The following CAMKMT variants were observed in gnomAD, a reference collection of about 807,000 sequenced individuals.
CAMKMT encodes the protein calmodulin-lysine N-methyltransferase, also known as CaM KMT.
In CAMKMT, 53 loss-of-function variants were observed where a neutral mutation model predicts 48.0. The observed-to-expected ratio is 1.10, with a 90% CI of 0.89 to 1.39. The LOEUF (loss-of-function observed/expected upper bound fraction) is 1.39, where lower values mean the gene tolerates loss of function less well. CAMKMT is among the 40% of genes most tolerant of loss of function. The probability of loss-of-function intolerance (pLI) is 0.00; values close to 1 mark genes in which losing one functional copy is unlikely to be tolerated. For missense variants in CAMKMT, 428 were observed against 402.7 expected, an observed-to-expected ratio of 1.06 and a Z score of -0.54; for synonymous variants, 165 against 152.3, an observed-to-expected ratio of 1.08 and a Z score of -0.61.
intron 3 of CAMKMT, among the ~76,000 whole-genome samples, chr2:44,572,709 T>C (rs1057202122): frequency 5.3e-5 from 8 of 152,138 alleles, no homozygotes; most frequent in African/African-American, 1.9e-4. Context: ...GTAATGCTGC[T>C]GTGTTGGCTG....
chr2:44,425,218 GT>G (rs1249462333), intron 3 of CAMKMT, among the ~76,000 whole-genome samples: 1 of 152,090 alleles, frequency 6.6e-6, no homozygotes, highest in Non-Finnish European at 1.5e-5. Context: ...TAATGGCTGG[GT>G]TTTTAAATGA....
At chr2:44,537,448 C>A (rs1023542639) in intron 3 of CAMKMT, among the ~76,000 whole-genome samples, 3 of 152,072 alleles carry the variant, frequency 2.0e-5, no homozygotes, top group Non-Finnish European at 4.4e-5. Flanking sequence ...CAGGGAAATG[C>A]AAATGAAAAC....
At chr2:44,417,992 G>T (rs897942545) in intron 3 of CAMKMT, among the ~76,000 whole-genome samples, 9 of 152,066 alleles carry the variant, frequency 5.9e-5, no homozygotes, top group African/African-American at 2.2e-4. Flanking sequence ...AGGAATTTGA[G>T]ACCAGCCTGA....
At chr2:44,364,011 C>CTTT (rs10710503) in intron 1 of CAMKMT, among the ~76,000 whole-genome samples, 61 of 85,672 alleles carry the variant, frequency 7.1e-4, no homozygotes, top group South Asian at 4.1e-3. Flanking sequence ...CCCACCCTTC[C>CTTT]TTTTTTTTTT....
intron 7 of CAMKMT, among the ~76,000 whole-genome samples, chr2:44,740,330 A>G (rs747375158): frequency 6.6e-6 from 1 of 151,928 alleles, no homozygotes; most frequent in Admixed American, 6.6e-5. Context: ...GGGTATCGCC[A>G]TGTTGCCCAG....
intron 3 of CAMKMT, among the ~76,000 whole-genome samples, chr2:44,643,214 A>G (rs1233207178): frequency 1.3e-5 from 2 of 152,256 alleles, no homozygotes; most frequent in Admixed American, 6.5e-5. Context: ...CTTCAGAAAC[A>G]TTAATGAAAA....
intron 4 of CAMKMT, 113 bp downstream of exon 4, chr2:44,704,456 A>C (rs1270298545): frequency 2.1e-5 from 15 of 702,080 alleles, no homozygotes; most frequent in Non-Finnish European, 3.3e-5. Flanking sequence ...AAATATAAGA[A>C]AAGAAAAACA....
At chr2:44,683,822 C>CAAAAAAAAAAAAAAAAA (rs10644183) in intron 3 of CAMKMT, among the ~76,000 whole-genome samples, 7 of 70,924 alleles carry the variant, frequency 9.9e-5, no homozygotes, top group Admixed American at 2.1e-4. Context: ...GACTCTGTCT[C>CAAAAAAAAAAAAAAAAA]AAAAAAAAAA....
chr2:44,686,931 T>C (rs1676370076), intron 3 of CAMKMT, among the ~76,000 whole-genome samples: 1 of 152,252 alleles, frequency 6.6e-6, no homozygotes. Flanking sequence ...CTGTATCACA[T>C]TGTAAGTTGC....
chr2:44,370,166 C>T (rs981565007), intron 1 of CAMKMT, among the ~76,000 whole-genome samples: 6 of 152,080 alleles, frequency 3.9e-5, no homozygotes, highest in African/African-American at 1.5e-4. Context: ...CTTAACTGCC[C>T]TGTGTTCTAG....
intron 3 of CAMKMT, among the ~76,000 whole-genome samples, chr2:44,516,030 A>G (rs778617872): frequency 2.6e-5 from 4 of 152,152 alleles, no homozygotes; most frequent in African/African-American, 7.2e-5. Flanking sequence ...ATTATTACCA[A>G]GCTTCTGTCA....
intron 3 of CAMKMT, among the ~76,000 whole-genome samples, chr2:44,483,173 G>T (rs1669058238): frequency 6.6e-6 from 1 of 152,148 alleles, no homozygotes; most frequent in South Asian, 2.1e-4. Flanking sequence ...TACCTGAATA[G>T]ATATGTCACC....
chr2:44,568,147 GAGTAGGGCAA>G (rs991422547), intron 3 of CAMKMT, among the ~76,000 whole-genome samples: 2 of 152,106 alleles, frequency 1.3e-5, no homozygotes, highest in African/African-American at 4.8e-5. Flanking sequence ...CGAGATGAAG[GAGTAGGGCAA>G]AGTGTTCTAA....
At chr2:44,607,954 A>G (rs1236909469) in intron 3 of CAMKMT, among the ~76,000 whole-genome samples, 1 of 151,706 alleles carries the variant, frequency 6.6e-6, no homozygotes, top group Non-Finnish European at 1.5e-5. Flanking sequence ...TTATATCTCC[A>G]TTCACCACCC....
chr2:44,375,620 T>C (rs1679609761), intron 2 of CAMKMT, among the ~76,000 whole-genome samples: 1 of 152,146 alleles, frequency 6.6e-6, no homozygotes, highest in Non-Finnish European at 1.5e-5. Context: ...TTGAAAGTTC[T>C]GGGAGAAGGG....
intron 3 of CAMKMT, among the ~76,000 whole-genome samples, chr2:44,613,142 G>A (rs1671687099): frequency 6.6e-6 from 1 of 152,172 alleles, no homozygotes; most frequent in Non-Finnish European, 1.5e-5. Context: ...TGGTAACATG[G>A]AAATGTCACT....
intron 3 of CAMKMT, among the ~76,000 whole-genome samples, chr2:44,596,638 C>T (rs1484532356): frequency 1.3e-5 from 2 of 152,060 alleles, no homozygotes; most frequent in Non-Finnish European, 2.9e-5. Context: ...CAGTCCAATT[C>T]ATCAAGCAGC....
chr2:44,397,220 G>A (rs1067340), intron 3 of CAMKMT, among the ~76,000 whole-genome samples: 1,587 of 152,264 alleles, frequency 0.01, 9 homozygotes, highest in Non-Finnish European at 0.016. Flanking sequence ...CTTAGGTTGG[G>A]AAAGTACAAA....
rs540885591 is a variant in CAMKMT, at chr2:44,632,856, C to T, written c.377-71427C>T. Among the ~76,000 whole-genome samples the T allele has an allele frequency of 3.9e-5, 6 of 152,288 alleles. No homozygotes were observed. In the South Asian group the frequency reaches 6.2e-4, roughly 16 times the overall value. On this transcript the variant is annotated intron_variant, in intron 3 of 10. Transcript: ENST00000378494. ...TCCTATGCTGAATGCTTCCTGCCCT[C>T]GAACATCAGACTCCAAGTTCTTTAG...
Sources: allele counts gnomAD v4.1 joint callset (sites outside exome capture counted in the v4.1 genomes callset), GRCh38; gene constraint gnomAD v4.1.1; transcripts MANE v1.5; gene names NCBI Gene and HGNC (gene_info 2026-07-23, HGNC 2026-07-21).